Variants in ATP13A3 observed in about 807,000 individuals in gnomAD.
ATP13A3 encodes polyamine-transporting ATPase 13A3.
In ATP13A3, 59 loss-of-function variants were observed where a neutral mutation model predicts 158.1. That is an observed-to-expected ratio of 0.37 (90% CI 0.30 to 0.46). The LOEUF (loss-of-function observed/expected upper bound fraction) is 0.46, where lower values mean the gene tolerates loss of function less well. ATP13A3 is among the 20% of genes least tolerant of loss of function. The probability of loss-of-function intolerance (pLI) is 1.00; values close to 1 mark genes in which losing one functional copy is unlikely to be tolerated. For synonymous variants in ATP13A3, 491 were observed against 504.3 expected, an observed-to-expected ratio of 0.97 and a Z score of 0.35; for missense variants, 1,166 against 1,525.2, an observed-to-expected ratio of 0.76 and a Z score of 3.92.
chr3:194,487,835 T>C (rs1431065269), upstream of ATP13A3: 1 of 152,364 alleles, frequency 6.6e-6, no homozygotes, highest in East Asian at 1.9e-4. Flanking sequence ...GTGACTGTTC[T>C]TCTTGCCGCT....
chr3:194,454,499 G>A (rs1464852162), intron 8 of ATP13A3, 107 bp from the exon 9 acceptor site: 6 of 1,225,864 alleles, frequency 4.9e-6, no homozygotes, highest in Non-Finnish European at 5.7e-6. Flanking sequence ...TACAAGATAA[G>A]CTCCATAGTA....
intron 10 of ATP13A3, chr3:194,452,225 G>A (rs1437088538): frequency 6.6e-6 from 1 of 151,910 alleles, no homozygotes; most frequent in Middle Eastern, 3.1e-3. Context: ...GTGATGGTGT[G>A]TACGCCTGTA....
intron 31 of ATP13A3, among the ~76,000 whole-genome samples, chr3:194,417,465 C>T (rs1715946742): frequency 6.8e-6 from 1 of 148,076 alleles, no homozygotes; most frequent in African/African-American, 2.5e-5. Context: ...AGAAGGAAAG[C>T]TCAAGCACAG....
Position 194,404,066 on chromosome 3 carries a change from G to A in ATP13A3, c.*1853C>T, listed in dbSNP as rs1714781005. The A allele has an allele frequency of 2.2e-6, 1 of 445,488 alleles. No homozygotes were observed. The highest frequency in any genetic ancestry group is 4.5e-6 in the Non-Finnish European group (1 of 223,314). The allele number at this position is 445,488 out of a possible 1,614,324, so 27.6% of individuals were successfully genotyped here. On this transcript the variant is annotated 3_prime_UTR_variant, in exon 34 of 34. Transcript: ENST00000645319. ...ACCAAAGAATAAAATGCACAATTGTGGAAATCACTGAAGAATAACACGAGC... is the reference window on the plus strand; with the variant it reads ...ACCAAAGAATAAAATGCACAATTGTAGAAATCACTGAAGAATAACACGAGC...
Position 194,420,125 on chromosome 3 carries a change from T to A in ATP13A3, c.3314-158A>T, listed in dbSNP as rs1577033217. 7 of 730,724 alleles carry A rather than the reference T, an allele frequency of 9.6e-6. No individual in the cohort carries two copies. The East Asian group carries it at 3.1e-4, about 32-fold the overall frequency. 45.3% of individuals were successfully genotyped at this position (730,724 alleles called of 1,614,324 possible). ...GTATGTGCTCTGTTATCTCCTGGAG[T>A]ATGAGACATTGTTCGGGGCACCCAA... On this transcript the variant is annotated intron_variant, in intron 30 of 33. Transcript: ENST00000645319.
At chr3:194,454,546 A>ATT (rs1719058879) in intron 8 of ATP13A3, among the ~76,000 whole-genome samples, 154 bp from the exon 9 acceptor site, 2 of 152,220 alleles carry the variant, frequency 1.3e-5, no homozygotes, top group Non-Finnish European at 2.9e-5. Flanking sequence ...AAAGTAGGGC[A>ATT]GGCTGGGCGC....
Position 194,453,946 on chromosome 3 carries a change from C to A in ATP13A3, c.766-168G>T, listed in dbSNP as rs920762087. 1.5e-5 allele frequency: 10 copies of A among 650,008 alleles called. No individual in the cohort carries two copies. In the African/African-American group the frequency reaches 1.8e-4, roughly 12 times the overall value. The allele number at this position is 650,008 out of a possible 1,614,324, so 40.3% of individuals were successfully genotyped here. On this transcript the variant is annotated intron_variant, in intron 9 of 33. Coordinates refer to ENST00000645319, the MANE Select transcript of ATP13A3 (RefSeq NM_001367549.1). ...TTCATTGTTTTAGTTCAAGACAAAA[C>A]AAGAAGCACTTTAACAGGATAGCCC...
intron 10 of ATP13A3, among the ~76,000 whole-genome samples, chr3:194,453,347 C>T (rs938632037): frequency 6.7e-6 from 1 of 149,192 alleles, no homozygotes; most frequent in Non-Finnish European, 1.5e-5. Flanking sequence ...AATCCCAACA[C>T]TTTGGGAGGC....
intron 2 of ATP13A3, among the ~76,000 whole-genome samples, chr3:194,477,686 A>C (rs1358193551): frequency 6.6e-6 from 1 of 152,194 alleles, no homozygotes; most frequent in Non-Finnish European, 1.5e-5. Flanking sequence ...ATTTTAAAAG[A>C]AGTATGGAGA....
intron 4 of ATP13A3, 32 bp downstream of exon 4, chr3:194,460,626 A>C: frequency 6.2e-7 from 1 of 1,602,636 alleles, no homozygotes; most frequent in Non-Finnish European, 8.5e-7. Flanking sequence ...TACTCCTTAA[A>C]TAATCAGCTA....
At chr3:194,442,347 C>T (rs1434995563) in intron 15 of ATP13A3, among the ~76,000 whole-genome samples, 2 of 152,106 alleles carry the variant, frequency 1.3e-5, no homozygotes, top group African/African-American at 4.8e-5. Context: ...CCTGTCATCC[C>T]GGCATTTTGG....
intron 31 of ATP13A3, among the ~76,000 whole-genome samples, chr3:194,415,661 C>CTTTTTTTTTTTTTTTTTTTTTTTTTTTT (rs751005733): frequency 4.4e-5 from 4 of 90,928 alleles, no homozygotes; most frequent in South Asian, 4.0e-4. Flanking sequence ...ATACCACATT[C>CTTTTTTTTTTTTTTTTTTTTTTTTTTTT]TTTTTTTTTT....
chr3:194,417,933 C>A (rs989727030), intron 31 of ATP13A3, among the ~76,000 whole-genome samples: 2 of 125,612 alleles, frequency 1.6e-5, no homozygotes, highest in African/African-American at 6.0e-5. Context: ...TGCACTGCAG[C>A]GTGGGTGACA....
At chr3:194,407,734 T>C (rs143131933) in intron 33 of ATP13A3, among the ~76,000 whole-genome samples, 140 of 152,258 alleles carry the variant, frequency 9.2e-4, no homozygotes, top group Admixed American at 2.9e-3. Flanking sequence ...ACTCGCCTAG[T>C]AGCCTTTTTA....
intron 15 of ATP13A3, among the ~76,000 whole-genome samples, chr3:194,442,560 G>A (rs1043519902): frequency 2.0e-5 from 3 of 152,132 alleles, no homozygotes; most frequent in African/African-American, 4.8e-5. Context: ...CTGTAGATGC[G>A]AGAGTAGGGG....
intron 29 of ATP13A3, among the ~76,000 whole-genome samples, chr3:194,426,251 C>T (rs1395134961): frequency 1.3e-5 from 2 of 152,040 alleles, no homozygotes; most frequent in African/African-American, 4.8e-5. Flanking sequence ...AAATCTCCTA[C>T]AATCTTCTAA....
chr3:194,494,265 G>A lies in ATP13A3; in HGVS notation n.531C>T. The A allele has an allele frequency of 2.5e-6, 1 of 398,634 alleles. No homozygotes were observed. The highest frequency in any genetic ancestry group is 4.4e-6 in the Non-Finnish European group (1 of 226,096). The allele number at this position is 398,634 out of a possible 1,614,324, so 24.7% of individuals were successfully genotyped here. A position where few individuals can be genotyped will look rare whatever the true frequency, so the allele number is the denominator to read the frequency against. ...CCTCAGCCCCTCACAGCACACAGCG[G>A]TAGTCAGAAAGTATGCTGAGTAAGT... On this transcript the variant is annotated non_coding_transcript_exon_variant, in exon 2 of 33. Coordinates refer to the ATP13A3 transcript ENST00000687055. The surrounding 1 kb of genome is among the most constrained non-coding windows in gnomAD (Gnocchi z 4.2).
Position 194,455,951 on chromosome 3 carries a change from T to C in ATP13A3, c.572A>G (p.Tyr191Cys). The change falls in exon 8 of 34, where the codon TAT (tyrosine) becomes TGT (cysteine). Residue 191 changes from tyrosine to cysteine, a missense_variant. Tyr to Cys is a radical substitution (Grantham distance 194, BLOSUM62 -2). Transcript: ENST00000645319. Reference sequence around the variant, plus strand: ...TTTTACAGCAATTTCATTTACTCCATAAAGCAGTTTTCTATAACAGGAAAA... The same window carrying C: ...TTTTACAGCAATTTCATTTACTCCACAAAGCAGTTTTCTATAACAGGAAAA... ...KGMHAYRKLL[Y>C]GVNEIAVKVP... 1 of 1,541,784 alleles carries C rather than the reference T, an allele frequency of 6.5e-7. No homozygotes were observed. The highest frequency in any genetic ancestry group is 1.2e-5 in the South Asian group (1 of 82,476).
At chr3:194,459,314 A>C in intron 6 of ATP13A3, 157 bp downstream of exon 6, 1 of 621,016 alleles carries the variant, frequency 1.6e-6, no homozygotes, top group Admixed American at 3.1e-5. Context: ...ATGGCTAATG[A>C]GCCTTCAAAC....
Sources: gnomAD v4.1 joint callset for allele counts (sites outside exome capture counted in the v4.1 genomes callset) on GRCh38, gnomAD v4.1.1 for gene constraint, Gnocchi (gnomAD v3.1) non-coding constraint, MANE v1.5 for transcripts, NCBI Gene and HGNC (gene_info 2026-07-23, HGNC 2026-07-21) for gene names.